FHIT: variants seen among roughly 807,000 people sequenced by gnomAD.
FHIT encodes fragile histidine triad diadenosine triphosphatase.
Under a neutral mutation model 17.9 loss-of-function variants are expected in FHIT, and 19 were observed. The observed-to-expected ratio is 1.06, with a 90% CI of 0.74 to 1.56. The LOEUF (loss-of-function observed/expected upper bound fraction) is 1.56. FHIT is among the 40% of genes most tolerant of loss of function. The pLI is 0.00. For missense variants in FHIT, 248 were observed against 189.2 expected (o/e 1.31, Z -1.82); for synonymous variants, 81 against 69.7 (o/e 1.16, Z -0.81).
At chr3:59,826,331 A>G (rs1333563088) in intron 8 of FHIT, among the ~76,000 whole-genome samples, 6 of 152,176 alleles carry the variant, frequency 3.9e-5, no homozygotes, top group Non-Finnish European at 7.3e-5. Flanking sequence ...ACCCTACTTT[A>G]AAATTGTAAT....
At chr3:60,153,798 C>A (rs1357361031) in intron 5 of FHIT, among the ~76,000 whole-genome samples, 1 of 152,140 alleles carries the variant, frequency 6.6e-6, no homozygotes, top group Non-Finnish European at 1.5e-5. Flanking sequence ...GTGGAAACCC[C>A]CTTCCCCAGG....
chr3:59,757,682 G>A (rs1386897281), intron 8 of FHIT, among the ~76,000 whole-genome samples: 1 of 152,150 alleles, frequency 6.6e-6, no homozygotes, highest in Admixed American at 6.5e-5. Context: ...GAAGCAAACG[G>A]CTGAATATAA....
chr3:60,286,980 A>T (rs1220657396), intron 5 of FHIT, among the ~76,000 whole-genome samples: 1 of 152,174 alleles, frequency 6.6e-6, no homozygotes, highest in East Asian at 1.9e-4. Context: ...TGCTGTTGCA[A>T]TTAGCCTGAT....
chr3:60,409,197 T>G (rs1304775397), intron 5 of FHIT, among the ~76,000 whole-genome samples: 1 of 152,208 alleles, frequency 6.6e-6, no homozygotes, highest in Non-Finnish European at 1.5e-5. Flanking sequence ...TGATTAAAAT[T>G]ATAATTAAAG....
At chr3:61,056,973 CAT>C (rs2034246834) in intron 2 of FHIT, among the ~76,000 whole-genome samples, 1 of 152,194 alleles carries the variant, frequency 6.6e-6, no homozygotes, top group Admixed American at 6.5e-5. Context: ...GTTTGTGCCT[CAT>C]GATCTCAGAG....
chr3:60,712,405 G>A (rs1414347562), intron 4 of FHIT, among the ~76,000 whole-genome samples: 1 of 151,940 alleles, frequency 6.6e-6, no homozygotes, highest in Non-Finnish European at 1.5e-5. Flanking sequence ...CATAATGACA[G>A]GATCAAATTC....
intron 2 of FHIT, among the ~76,000 whole-genome samples, chr3:61,183,901 T>C (rs1039772418): frequency 6.6e-6 from 1 of 152,032 alleles, no homozygotes; most frequent in Non-Finnish European, 1.5e-5. Context: ...CTGTTGTTCA[T>C]AAATGCTCCT....
intron 4 of FHIT, among the ~76,000 whole-genome samples, chr3:60,735,708 G>A (rs1383682582): frequency 6.6e-6 from 1 of 152,116 alleles, no homozygotes; most frequent in Non-Finnish European, 1.5e-5. Flanking sequence ...TCATTCTGGA[G>A]GCAAAAAGCT....
intron 5 of FHIT, among the ~76,000 whole-genome samples, chr3:60,124,664 G>T (rs1189149817): frequency 6.6e-6 from 1 of 152,118 alleles, no homozygotes; most frequent in African/African-American, 2.4e-5. Context: ...CTACCAAAGA[G>T]CAATGCAGCC....
At chr3:60,295,757 T>C (rs891717027) in intron 5 of FHIT, among the ~76,000 whole-genome samples, 3 of 152,128 alleles carry the variant, frequency 2.0e-5, no homozygotes, top group African/African-American at 4.8e-5. Flanking sequence ...TCATTTTACA[T>C]TCTTACCAGC....
chr3:61,187,619 A>C (rs2038561195), intron 2 of FHIT, among the ~76,000 whole-genome samples: 1 of 152,246 alleles, frequency 6.6e-6, no homozygotes, highest in East Asian at 1.9e-4. Flanking sequence ...CCAAATCAAC[A>C]GAATATACAT....
At chr3:60,540,499 C>G (rs572932099) in intron 4 of FHIT, among the ~76,000 whole-genome samples, 2 of 152,276 alleles carry the variant, frequency 1.3e-5, no homozygotes, top group African/African-American at 4.8e-5. Flanking sequence ...TCTCCAGGTA[C>G]GTAACATCCA....
intron 5 of FHIT, among the ~76,000 whole-genome samples, chr3:60,404,495 T>C (rs1369767812): frequency 1.3e-5 from 2 of 152,130 alleles, no homozygotes; most frequent in Admixed American, 6.5e-5. Flanking sequence ...AGGTTTGAAG[T>C]CACTTCCTCT....
intron 4 of FHIT, among the ~76,000 whole-genome samples, chr3:60,632,772 G>A (rs2039479609): frequency 6.6e-6 from 1 of 151,846 alleles, no homozygotes; most frequent in Non-Finnish European, 1.5e-5. Context: ...TTGTCACCGA[G>A]GAAAGGGTTA....
intron 2 of FHIT, among the ~76,000 whole-genome samples, chr3:61,180,952 T>C (rs1025010277): frequency 6.6e-6 from 1 of 152,226 alleles, no homozygotes; most frequent in African/African-American, 2.4e-5. Flanking sequence ...AATATTTTTA[T>C]TAAATATATG....
intron 8 of FHIT, among the ~76,000 whole-genome samples, chr3:59,844,236 T>C (rs954756637): frequency 5.9e-5 from 9 of 152,154 alleles, no homozygotes; most frequent in Non-Finnish European, 8.8e-5. Context: ...CCTAATACAA[T>C]CTGCAAACAG....
intron 8 of FHIT, among the ~76,000 whole-genome samples, chr3:59,756,068 C>T (rs1347631601): frequency 1.3e-5 from 2 of 152,182 alleles, no homozygotes; most frequent in Non-Finnish European, 2.9e-5. Context: ...GCTGCTGCTA[C>T]TACTGTCAGT....
intron 4 of FHIT, among the ~76,000 whole-genome samples, chr3:60,634,079 G>A (rs1275300489): frequency 6.6e-6 from 1 of 152,168 alleles, no homozygotes; most frequent in Non-Finnish European, 1.5e-5. Context: ...GTTTGTGGGT[G>A]GACATCCAAT....
chr3:60,576,011 T>G (rs1333868522), intron 4 of FHIT, among the ~76,000 whole-genome samples: 5 of 151,974 alleles, frequency 3.3e-5, no homozygotes, highest in Admixed American at 6.6e-5. Context: ...AAGGAGGGAA[T>G]GAGTATACTC....
Sources: gnomAD v4.1 joint callset for allele counts (sites outside exome capture counted in the v4.1 genomes callset) on GRCh38, gnomAD v4.1.1 for gene constraint, MANE v1.5 for transcripts, NCBI Gene and HGNC (gene_info 2026-07-23, HGNC 2026-07-21) for gene names.